Variants in DHX29 observed in about 807,000 individuals in gnomAD.
The protein encoded by DHX29 is DExH-box helicase 29.
A neutral mutation model predicts 167.9 loss-of-function variants in DHX29; 79 were observed. The observed-to-expected ratio is 0.47, with a 90% CI of 0.39 to 0.57. The LOEUF (loss-of-function observed/expected upper bound fraction) is 0.57, where lower values mean the gene tolerates loss of function less well. Ranked by LOEUF, DHX29 falls within the 20% of genes least tolerant of loss-of-function variation. The pLI, the probability that DHX29 is intolerant of heterozygous loss-of-function variation, is 0.00. For synonymous variants in DHX29, 530 were observed against 546.0 expected (o/e 0.97, Z 0.41); for missense variants, 1,347 against 1,593.4 (o/e 0.85, Z 2.63).
chr5:55,283,852 C>A, intron 10 of DHX29, 41 bp from the exon 11 acceptor site: 1 of 1,496,324 alleles, frequency 6.7e-7, no homozygotes, highest in Admixed American at 2.3e-5. Context: ...ACTAACTATT[C>A]AATATGGAAA....
intron 9 of DHX29, 96 bp from the exon 10 acceptor site, chr5:55,285,512 T>C (rs1747675329): frequency 3.8e-6 from 5 of 1,324,598 alleles, no homozygotes; most frequent in African/African-American, 1.5e-5. Context: ...AGTTTGTTAA[T>C]TATTTAAATA....
Position 55,276,262 on chromosome 5 carries a change from T to C in DHX29, c.2427+4A>G. ...TGATATCTTTCAAAATATTTTCTTT[T>C]TACCTGATATTTTTTTATTCCCCCT... On this transcript the variant is annotated splice_donor_region_variant and intron_variant, in intron 14 of 26. Coordinates refer to ENST00000251636, the MANE Select transcript of DHX29 (RefSeq NM_019030.4). The C allele has an allele frequency of 6.4e-7, 1 of 1,568,954 alleles. No individual in the cohort carries two copies. Among genetic ancestry groups the C allele is most frequent in the Non-Finnish European group, 8.6e-7 (1 of 1,165,902 alleles).
Position 55,296,316 on chromosome 5 carries a change from TAA to T in DHX29, c.407_408del (p.Phe136Ter). 1.2e-6 allele frequency: 2 copies of T among 1,613,176 alleles called. No homozygotes were observed. Among genetic ancestry groups the T allele is most frequent in the Non-Finnish European group, 1.7e-6 (2 of 1,179,564 alleles). On this transcript the variant is annotated frameshift_variant, in exon 4 of 27. Transcript: ENST00000251636. LOFTEE classifies it high-confidence loss of function. ...ATGGCATCTTCAATGTCCTTTGTCT[TAA>T]ATGAAAATGCTTGTAAAGCCATGTA... ...DLYMALQAFS[F>X]KTKDIEDAMT... is the part of the protein sequence containing the mutation.
rs1746037079 is a variant in DHX29 at position 55,256,070 on chromosome 5, A to C, written c.*418T>G. ...TCTGAAGTTGTTCCTTTTCATGGAA[A>C]TTTAATTATAATTGGTTTTGGAGAT... On this transcript the variant is annotated 3_prime_UTR_variant, in exon 27 of 27. Coordinates refer to ENST00000251636, the MANE Select transcript of DHX29 (RefSeq NM_019030.4). Among the ~76,000 whole-genome samples the C allele has an allele frequency of 6.6e-6, 1 of 152,192 alleles. No homozygotes were observed. Among genetic ancestry groups the C allele is most frequent in the African/African-American group, 2.4e-5 (1 of 41,454 alleles).
At chr5:55,285,649 C>T in intron 9 of DHX29, 47 bp downstream of exon 9, 2 of 1,508,276 alleles carry the variant, frequency 1.3e-6, no homozygotes, top group Non-Finnish European at 1.8e-6. Flanking sequence ...TTAAATTTTT[C>T]TAAAGTTCAT....
Position 55,283,706 on chromosome 5 carries a change from G to A in DHX29, c.1462C>T (p.Arg488Cys), listed in dbSNP as rs1747565342. 1.9e-6 allele frequency: 3 copies of A among 1,614,026 alleles called. No homozygotes were observed. The highest frequency in any genetic ancestry group is 2.5e-6 in the Non-Finnish European group (3 of 1,179,996). ...ELNKMETNKP[R>C]DLFIAKLLNK... ...AGAAGTTTGGCAATAAAAAGATCAC[G>A]TGGTTTATTGGTTTCCATTTTATTT... The change falls in exon 11 of 27, where the codon CGT (arginine) becomes TGT (cysteine). Residue 488 changes from arginine to cysteine, a missense_variant. This residue lies in a region of DHX29 where 882 missense variants were observed against 1,082.4 expected (regional missense o/e 0.81). Transcript: ENST00000251636.
In DHX29 at chr5:55,297,338, G is replaced by A. The variant is rs1464336129; in HGVS notation, c.322C>T (p.Gln108Ter). ...GAAATCATTCCTTTGTCATTATTTT[G>A]CTTTTTATGCTCATTGATCACTCCA... ...IIGVINEHKK[Q>*]NNDKGMISGR... The change falls in exon 3 of 27, where the codon CAA becomes TAA. Residue 108 changes from glutamine to a stop codon, truncating the protein, a stop_gained. Coordinates refer to ENST00000251636, the MANE Select transcript of DHX29 (RefSeq NM_019030.4). LOFTEE classifies it high-confidence loss of function. The A allele has an allele frequency of 6.3e-6, 10 of 1,599,878 alleles. No homozygotes were observed. The highest frequency in any genetic ancestry group is 8.6e-6 in the Non-Finnish European group (10 of 1,169,044).
At chr5:55,300,659 C>T (rs530994647) in intron 1 of DHX29, among the ~76,000 whole-genome samples, 6 of 151,986 alleles carry the variant, frequency 3.9e-5, no homozygotes, top group South Asian at 2.1e-4. Flanking sequence ...GGAGACAGAG[C>T]GAGACTCTGT....
intron 6 of DHX29, among the ~76,000 whole-genome samples, chr5:55,290,873 G>T (rs1009110694): frequency 2.6e-5 from 4 of 152,034 alleles, no homozygotes; most frequent in African/African-American, 9.7e-5. Flanking sequence ...AAATTAGCTG[G>T]GTGTGGGGGT....
chr5:55,270,541 G>C (rs766731469), intron 19 of DHX29, 37 bp downstream of exon 19: 10 of 1,613,670 alleles, frequency 6.2e-6, no homozygotes, highest in Non-Finnish European at 8.5e-6. Context: ...ACACAATACT[G>C]GTTTATGTGT....
intron 1 of DHX29, among the ~76,000 whole-genome samples, chr5:55,306,669 T>C (rs943521475): frequency 6.6e-6 from 1 of 152,156 alleles, no homozygotes; most frequent in Non-Finnish European, 1.5e-5. Context: ...ACATAAATGC[T>C]CAGCAAATAT....
At chr5:55,265,991 T>C (rs1267592849) in intron 23 of DHX29, among the ~76,000 whole-genome samples, 1 of 148,160 alleles carries the variant, frequency 6.7e-6, no homozygotes, top group Non-Finnish European at 1.5e-5. Context: ...CCTTTCAACT[T>C]TTTTTTTTTT....
intron 18 of DHX29, among the ~76,000 whole-genome samples, chr5:55,271,265 T>C (rs181574901): frequency 6.6e-6 from 1 of 152,378 alleles, no homozygotes; most frequent in Non-Finnish European, 1.5e-5. Context: ...ACAGTAGTAA[T>C]CTTTTTGTTG....
In DHX29 at chr5:55,300,577, G is replaced by C. The variant is rs192185844; in HGVS notation, c.188-1913C>G. ...AATCCCAGCTACTTGGGAAGCTGAG[G>C]CAGGAGAACTGCTTTAACCCAGGAG... On this transcript the variant is annotated intron_variant, in intron 1 of 26. Transcript: ENST00000251636. Among the ~76,000 whole-genome samples, 1,287 of 152,214 alleles carry C rather than the reference G, an allele frequency of 8.5e-3. 13 individuals carry two copies. Among genetic ancestry groups the C allele is most frequent in the South Asian group, 0.046 (224 of 4,822 alleles).
chr5:55,285,147 T>A, intron 10 of DHX29, 146 bp downstream of exon 10: 1 of 1,220,814 alleles, frequency 8.2e-7, no homozygotes, highest in Non-Finnish European at 1.1e-6. Context: ...GAACGAAAGA[T>A]CAAACTATGT....
Position 55,262,698 on chromosome 5 carries a change from C to T in DHX29, c.3760G>A (p.Ala1254Thr). The change falls in exon 24 of 27, where the codon GCA becomes ACA. Residue 1254 changes from alanine (A) to threonine (T), a missense_variant. Physicochemically the swap from Ala to Thr is moderately conservative, Grantham distance 58. Around this residue, in one of 3 missense-constraint regions of DHX29, gnomAD observed 882 missense variants for 1,082.4 expected, o/e 0.81. Transcript: ENST00000251636. The stretch of plus-strand genomic sequence containing the variant: ...TTTACTGAGGATGGGTGTACTTGTG[C>T]TTTGCCTTGGGCCGTCTCCACAATG... ...ACIVETAQGK[A>T]QVHPSSVNRD... 2 of 1,614,108 alleles carry T rather than the reference C, an allele frequency of 1.2e-6. No individual in the cohort carries two copies. The highest frequency in any genetic ancestry group is 1.7e-6 in the Non-Finnish European group (2 of 1,179,996).
In DHX29 at chr5:55,283,368, A is replaced by G. The variant is rs747455245; in HGVS notation, c.1800T>C (p.Gly600=). 7 of 1,613,906 alleles carry G rather than the reference A, an allele frequency of 4.3e-6. 1 individual carries two copies. The South Asian group carries it at 7.7e-5, about 18-fold the overall frequency. Reference sequence around the variant, plus strand: ...GAAAATGTGGTACCTGAGTACTTTTACCACTCCCTGTTTCACCTGCCACAA... The same window carrying G: ...GAAAATGTGGTACCTGAGTACTTTTGCCACTCCCTGTTTCACCTGCCACAA... ...VVVVAGETGS[G]KSTQVPHFLL... Residue 600 remains glycine, a synonymous_variant, in exon 11 of 27, where the codon GGT becomes GGC. Coordinates refer to ENST00000251636, the MANE Select transcript of DHX29 (RefSeq NM_019030.4).
chr5:55,302,420 G>A (rs1248172995), intron 1 of DHX29, among the ~76,000 whole-genome samples: 1 of 151,860 alleles, frequency 6.6e-6, no homozygotes, highest in Non-Finnish European at 1.5e-5. Context: ...CTTTAAAAAT[G>A]CCAGCCGGGG....
intron 1 of DHX29, among the ~76,000 whole-genome samples, chr5:55,300,220 A>G (rs1433721277): frequency 6.6e-6 from 1 of 152,094 alleles, no homozygotes; most frequent in Non-Finnish European, 1.5e-5. Flanking sequence ...AAAATTATCC[A>G]GCTGTGGTAG....
Sources: allele counts gnomAD v4.1 joint callset (sites outside exome capture counted in the v4.1 genomes callset), GRCh38; gene constraint gnomAD v4.1.1; regional missense constraint gnomAD v4.1.1; transcripts MANE v1.5; gene names NCBI Gene and HGNC (gene_info 2026-07-23, HGNC 2026-07-21).